Variants in COL6A3 observed in about 807,000 individuals in gnomAD.
COL6A3 encodes collagen type VI alpha 3 chain.
In COL6A3, 137 loss-of-function variants were observed where a neutral mutation model predicts 274.1. The ratio of observed to expected loss-of-function variants is 0.50; its 90% CI spans 0.44 to 0.58. COL6A3 has a LOEUF of 0.58. COL6A3 is among the 20% of genes least tolerant of loss of function. COL6A3 has a pLI of 0.00. For synonymous variants in COL6A3, 1,650 were observed against 1,650.6 expected (o/e 1.00, Z 0.01); for missense variants, 3,950 against 4,124.9 (o/e 0.96, Z 1.16).
intron 42 of COL6A3, 62 bp from the exon 43 acceptor site, chr2:237,325,786 G>T (rs888840652): frequency 6.8e-7 from 1 of 1,465,454 alleles, no homozygotes; most frequent in Non-Finnish European, 9.4e-7. Flanking sequence ...GGCTCCCAGT[G>T]CTGGGGCTGA....
intron 3 of COL6A3, among the ~76,000 whole-genome samples, chr2:237,388,553 C>T (rs1461474517): frequency 6.6e-6 from 1 of 152,168 alleles, no homozygotes; most frequent in Non-Finnish European, 1.5e-5. Flanking sequence ...CACTACCAAA[C>T]CTACCAGGGA....
intron 24 of COL6A3, 86 bp from the exon 25 acceptor site, chr2:237,353,489 G>A (rs1263064665): frequency 8.0e-7 from 1 of 1,253,582 alleles, no homozygotes. Flanking sequence ...TCTGGGCCAG[G>A]GACTTGGAAA....
chr2:237,357,632 A>G (rs947336707), intron 22 of COL6A3, among the ~76,000 whole-genome samples, 185 bp downstream of exon 22: 3 of 152,194 alleles, frequency 2.0e-5, no homozygotes, highest in Non-Finnish European at 2.9e-5. Flanking sequence ...GAGAAGCCCC[A>G]CTTGGCAAGG....
intron 39 of COL6A3, among the ~76,000 whole-genome samples, chr2:237,337,711 AG>A (rs1484448912): frequency 6.6e-6 from 1 of 152,210 alleles, no homozygotes; most frequent in East Asian, 1.9e-4. Context: ...GACACGCTGC[AG>A]GGGCTCAGTT....
intron 1 of COL6A3, among the ~76,000 whole-genome samples, chr2:237,405,924 T>G (rs529386469): frequency 6.6e-6 from 1 of 152,120 alleles, no homozygotes; most frequent in Non-Finnish European, 1.5e-5. Context: ...CTTGAGATCC[T>G]TGGGCTGGAA....
chr2:237,384,589 C>G (rs145134144), intron 4 of COL6A3, among the ~76,000 whole-genome samples: 1 of 152,200 alleles, frequency 6.6e-6, no homozygotes, highest in African/African-American at 2.4e-5. Context: ...ACTCCAGACC[C>G]CCATCAGGAG....
chr2:237,359,274 G>GT (rs1351875914), intron 18 of COL6A3, 24 bp from the exon 19 acceptor site: 4 of 1,614,050 alleles, frequency 2.5e-6, no homozygotes, highest in Non-Finnish European at 3.4e-6. Flanking sequence ...AGGCGGACAG[G>GT]TAAGTATAGA....
At chr2:237,356,550 C>A (rs1378456208) in intron 23 of COL6A3, among the ~76,000 whole-genome samples, 1 of 152,210 alleles carries the variant, frequency 6.6e-6, no homozygotes, top group African/African-American at 2.4e-5. Context: ...CGAGCCACTG[C>A]CCCTCAGGGC....
At position 237,364,298 on chromosome 2, in the gene COL6A3, AC is replaced by A; in HGVS notation, c.5917+51del. The A allele has an allele frequency of 7.1e-7, 1 of 1,407,450 alleles. No homozygotes were observed. 87.2% of individuals were successfully genotyped at this position (1,407,450 alleles called of 1,614,324 possible). A position where few individuals can be genotyped will look rare whatever the true frequency, so the allele number is the denominator to read the frequency against. On this transcript the variant is annotated intron_variant, in intron 13 of 43. Transcript: ENST00000295550. The surrounding 1 kb of genome is among the most constrained non-coding windows in gnomAD (Gnocchi z 4.6). ...AGGTTTCTCTCCAGCAGAGCAGTAC[AC>A]CCCGCCTCACCAGGGTTTACTTCTC...
At chr2:237,334,109 G>A (rs1023577435) in intron 41 of COL6A3, among the ~76,000 whole-genome samples, 27 of 152,188 alleles carry the variant, frequency 1.8e-4, no homozygotes, top group Admixed American at 1.4e-3. Flanking sequence ...GGGCCCCTGG[G>A]GACAACAGCC....
At chr2:237,360,057 C>T (rs752667401) in intron 17 of COL6A3, 31 bp downstream of exon 17, 1 of 1,612,470 alleles carries the variant, frequency 6.2e-7, no homozygotes, top group Non-Finnish European at 8.5e-7. Flanking sequence ...GACCCCTCCC[C>T]ACGCTAGCAA....
rs749446863 is a variant in COL6A3, at chr2:237,344,763, C to T, written c.7255G>A (p.Gly2419Ser). Reference sequence around the variant, plus strand: ...CTCAAGACCACATCTCGCATCCGGCCGAAAGTGTCTTGGTTGACTCCCTCA... The same window carrying T: ...CTCAAGACCACATCTCGCATCCGGCTGAAAGTGTCTTGGTTGACTCCCTCA... ...TSEGVNQDTF[G>S]RMRDVVLSIV... Residue 2419 changes from glycine (G) to serine (S), a missense_variant, in exon 36 of 44, where the codon GGC becomes AGC. Physicochemically the swap from Gly to Ser is moderately conservative, Grantham distance 56. This residue lies in a region of COL6A3 where 1,284 missense variants were observed against 1,349.7 expected (regional missense o/e 0.95). Transcript: ENST00000295550. This position sits in a 1 kb window ranked among gnomAD's most constrained non-coding sequence, Gnocchi z 4.8. 2.1e-5 allele frequency: 34 copies of T among 1,601,484 alleles called. No homozygotes were observed. The highest frequency in any genetic ancestry group is 3.3e-5 in the South Asian group (3 of 89,768).
chr2:237,391,153 C>T (rs1208089582), intron 3 of COL6A3, among the ~76,000 whole-genome samples: 1 of 152,196 alleles, frequency 6.6e-6, no homozygotes, highest in Non-Finnish European at 1.5e-5. Context: ...ACTGTTCTTC[C>T]TAAGATTATT....
Position 237,377,209 on chromosome 2 carries a change from G to A in COL6A3, c.2633C>T (p.Ala878Val). 6.2e-7 allele frequency: 1 copy of A among 1,613,792 alleles called. No individual in the cohort carries two copies. Among genetic ancestry groups the A allele is most frequent in the African/African-American group, 1.3e-5 (1 of 75,030 alleles). The change falls in exon 7 of 44, where the codon GCT becomes GTT. Residue 878 changes from alanine to valine, a missense_variant. Around this residue, in one of 5 missense-constraint regions of COL6A3, gnomAD observed 1,934 missense variants for 1,984.3 expected, o/e 0.97. Coordinates refer to ENST00000295550, the MANE Select transcript of COL6A3 (RefSeq NM_004369.4). ...VKPEGTRIAV[A>V]QYSDDVKVES... ...CACCTTGACATCATCGCTGTACTGA[G>A]CCACCGCAATTCGGGTCCCCTCTGG...
At chr2:237,391,988 G>A (rs1414718283) in intron 3 of COL6A3, among the ~76,000 whole-genome samples, 1 of 152,152 alleles carries the variant, frequency 6.6e-6, no homozygotes, top group Non-Finnish European at 1.5e-5. Context: ...GAGACACCCA[G>A]CTTTTCCTGT....
At chr2:237,358,472 C>T (rs1486566377) in intron 21 of COL6A3, 49 bp downstream of exon 21, 3 of 1,480,020 alleles carry the variant, frequency 2.0e-6, no homozygotes, top group African/African-American at 2.8e-5. Context: ...TTCCCAACAA[C>T]CCTCTTCCCC....
rs746868834 is a variant in COL6A3 at position 237,371,837 on chromosome 2, A to G, written c.4180T>C (p.Phe1394Leu). The part of the protein sequence containing the change: ...SPEYVFSVST[F>L]RELPSLEQKL... ...TGCTCCAGGCTGGGCAGCTCCCGGA[A>G]GGTGCTCACCGAGAACACATATTCG... Residue 1394 changes from phenylalanine to leucine, a missense_variant, in exon 9 of 44, where the codon TTC becomes CTC. Coordinates refer to ENST00000295550, the MANE Select transcript of COL6A3 (RefSeq NM_004369.4). This position sits in a 1 kb window ranked among gnomAD's most constrained non-coding sequence, Gnocchi z 4.3. 19 of 1,613,356 alleles carry G rather than the reference A, an allele frequency of 1.2e-5. No individual in the cohort carries two copies. The highest frequency in any genetic ancestry group is 1.5e-5 in the Non-Finnish European group (18 of 1,179,976).
rs898890369 is a variant in COL6A3, at chr2:237,374,142, G to A, written c.3679+270C>T. Among the ~76,000 whole-genome samples, 2 of 152,194 alleles carry A rather than the reference G, an allele frequency of 1.3e-5. No individual in the cohort carries two copies. Among genetic ancestry groups the A allele is most frequent in the African/African-American group, 2.4e-5 (1 of 41,448 alleles). On this transcript the variant is annotated intron_variant, in intron 8 of 43. Coordinates refer to ENST00000295550, the MANE Select transcript of COL6A3 (RefSeq NM_004369.4). This position sits in a 1 kb window ranked among gnomAD's most constrained non-coding sequence, Gnocchi z 4.8. ...GACAGAAGCTTTCATGCAAAGTTAA[G>A]GAGTCCTGAATTCCAAGCTGCACAT...
At chr2:237,373,954 C>G (rs2106360082) in intron 8 of COL6A3, among the ~76,000 whole-genome samples, 1 of 152,354 alleles carries the variant, frequency 6.6e-6, no homozygotes, top group East Asian at 1.9e-4. Flanking sequence ...CACCTTGGCT[C>G]TGGAGATACC....
Sources: gnomAD v4.1 joint callset for allele counts (sites outside exome capture counted in the v4.1 genomes callset) on GRCh38, gnomAD v4.1.1 for gene constraint, gnomAD v4.1.1 regional missense constraint, Gnocchi (gnomAD v3.1) non-coding constraint, MANE v1.5 for transcripts, NCBI Gene and HGNC (gene_info 2026-07-23, HGNC 2026-07-21) for gene names.